PIP5K1B: variants seen among roughly 807,000 people sequenced by gnomAD.
PIP5K1B encodes phosphatidylinositol 4-phosphate 5-kinase type-1 beta.
A neutral mutation model predicts 67.0 loss-of-function variants in PIP5K1B; 42 were observed. The observed-to-expected ratio is 0.63, with a 90% CI of 0.49 to 0.81. PIP5K1B has a LOEUF of 0.81. Ranked by LOEUF, PIP5K1B falls within the 30% of genes least tolerant of loss-of-function variation. The probability of loss-of-function intolerance (pLI) is 0.00; values close to 1 mark genes in which losing one functional copy is unlikely to be tolerated. For missense variants in PIP5K1B, 459 were observed against 646.3 expected (o/e 0.71, Z 3.14); for synonymous variants, 214 against 231.4 (o/e 0.92, Z 0.68).
chr9:68,965,989 A>G (rs1249393428), intron 14 of PIP5K1B, among the ~76,000 whole-genome samples: 1 of 151,940 alleles, frequency 6.6e-6, no homozygotes, highest in Admixed American at 6.6e-5. Flanking sequence ...AAAAAAAAAA[A>G]AAAGCTATTT....
chr9:68,957,246 G>T (rs73647044), intron 14 of PIP5K1B, among the ~76,000 whole-genome samples: 9,394 of 151,238 alleles, frequency 0.062, 409 homozygotes, highest in African/African-American at 0.12. Flanking sequence ...AAAAAAAAAA[G>T]GTGGGGAGGG....
intron 4 of PIP5K1B, among the ~76,000 whole-genome samples, chr9:68,829,766 C>G (rs1010355888): frequency 6.6e-6 from 1 of 152,198 alleles, no homozygotes; most frequent in Non-Finnish European, 1.5e-5. Context: ...AATATCTACC[C>G]AAGCTGGCTT....
At chr9:68,885,259 G>T (rs1486422161) in intron 6 of PIP5K1B, among the ~76,000 whole-genome samples, 1 of 152,108 alleles carries the variant, frequency 6.6e-6, no homozygotes, top group South Asian at 2.1e-4. Context: ...TAGAAAAATC[G>T]AACTCATTGA....
chr9:68,828,898 T>C (rs1256281193), intron 4 of PIP5K1B, among the ~76,000 whole-genome samples: 2 of 151,952 alleles, frequency 1.3e-5, no homozygotes, highest in Admixed American at 1.3e-4. Flanking sequence ...GGTCAGAAGT[T>C]GGAGACCAGC....
intron 12 of PIP5K1B, among the ~76,000 whole-genome samples, chr9:68,926,185 C>T (rs940382842): frequency 6.1e-4 from 93 of 152,156 alleles, no homozygotes; most frequent in African/African-American, 2.1e-3. Flanking sequence ...GCCCCTGGTG[C>T]GTTTTGGAGG....
chr9:68,719,907 A>G (rs1392208331), intron 1 of PIP5K1B, among the ~76,000 whole-genome samples: 1 of 152,186 alleles, frequency 6.6e-6, no homozygotes, highest in Admixed American at 6.5e-5. Flanking sequence ...AGCATTTTAG[A>G]ACTGAATGCT....
intron 2 of PIP5K1B, among the ~76,000 whole-genome samples, chr9:68,794,997 C>T (rs1164740379): frequency 6.6e-6 from 1 of 152,178 alleles, no homozygotes. Context: ...AACTGCTTAT[C>T]TCTCCTGATA....
rs115244230 is a variant in PIP5K1B at position 68,718,909 on chromosome 9, A to G, written c.-243+13147A>G. ...ACTCATTGTTGGCTATTGAAAGTCC[A>G]TTGTGATTTTGGGAACCAGATAACC... On this transcript the variant is annotated intron_variant, in intron 1 of 15. Coordinates refer to ENST00000265382, the MANE Select transcript of PIP5K1B (RefSeq NM_003558.4). Among the ~76,000 whole-genome samples the G allele has an allele frequency of 7.3e-3, 1,105 of 152,146 alleles. 12 individuals are homozygous for G. The highest frequency in any genetic ancestry group is 0.026 in the African/African-American group (1,060 of 41,504).
chr9:68,747,447 G>A (rs1198466407), intron 2 of PIP5K1B, among the ~76,000 whole-genome samples: 4 of 151,810 alleles, frequency 2.6e-5, no homozygotes, highest in South Asian at 2.1e-4. Context: ...TTTTTGATGA[G>A]TATCATTATT....
rs992389268 is a variant in PIP5K1B, at chr9:68,987,297, C to T, written c.1503-3843C>T. The stretch of plus-strand genomic sequence containing the variant: ...TTAATGTTGGGGCCAGGCGTGGCGG[C>T]TTATGCCTATAATCCCAGCACTTTG... On this transcript the variant is annotated intron_variant, in intron 14 of 15. Transcript: ENST00000265382. Among the ~76,000 whole-genome samples, 34 of 152,078 alleles carry T rather than the reference C, an allele frequency of 2.2e-4. 1 individual carries two copies. The highest frequency in any genetic ancestry group is 2.1e-3 in the Admixed American group (32 of 15,268).
intron 7 of PIP5K1B, among the ~76,000 whole-genome samples, chr9:68,892,572 T>C (rs1824850742): frequency 6.6e-6 from 1 of 152,216 alleles, no homozygotes; most frequent in Non-Finnish European, 1.5e-5. Context: ...AATTAAATTC[T>C]CTATTTCAGA....
At chr9:68,910,942 T>G (rs1283247856) in intron 8 of PIP5K1B, among the ~76,000 whole-genome samples, 1 of 152,246 alleles carries the variant, frequency 6.6e-6, no homozygotes, top group Non-Finnish European at 1.5e-5. Context: ...AGACATTGGC[T>G]AGGGCCATAT....
intron 1 of PIP5K1B, among the ~76,000 whole-genome samples, chr9:68,736,430 A>C (rs982641836): frequency 6.6e-6 from 1 of 152,176 alleles, no homozygotes; most frequent in African/African-American, 2.4e-5. Context: ...TATAACATTC[A>C]GTGGCTGCAT....
At chr9:68,909,270 C>A (rs1378985541) in intron 8 of PIP5K1B, among the ~76,000 whole-genome samples, 1 of 151,566 alleles carries the variant, frequency 6.6e-6, no homozygotes. Context: ...TAACTCATGG[C>A]CAATCTAGGT....
intron 1 of PIP5K1B, among the ~76,000 whole-genome samples, chr9:68,707,173 G>C (rs1827165834): frequency 1.3e-5 from 2 of 152,180 alleles, no homozygotes; most frequent in African/African-American, 4.8e-5. Flanking sequence ...TGATGAGAAA[G>C]CTGGTGAGTT....
At chr9:68,926,416 AT>A (rs1826703795) in intron 12 of PIP5K1B, among the ~76,000 whole-genome samples, 1 of 151,974 alleles carries the variant, frequency 6.6e-6, no homozygotes, top group African/African-American at 2.4e-5. Flanking sequence ...ATCTATTGAC[AT>A]TTTCTCATTT....
chr9:68,836,559 T>C (rs1205322625), intron 4 of PIP5K1B, among the ~76,000 whole-genome samples: 7 of 152,244 alleles, frequency 4.6e-5, no homozygotes, highest in Non-Finnish European at 5.9e-5. Context: ...TGTTTATCTC[T>C]ATGCTTTTTA....
At chr9:68,849,134 T>G (rs945414989) in intron 4 of PIP5K1B, among the ~76,000 whole-genome samples, 3 of 152,172 alleles carry the variant, frequency 2.0e-5, no homozygotes, top group Non-Finnish European at 4.4e-5. Context: ...GAAGAAATAT[T>G]CAAGAAATAA....
intron 1 of PIP5K1B, among the ~76,000 whole-genome samples, chr9:68,735,110 G>T (rs920141913): frequency 6.6e-6 from 1 of 152,130 alleles, no homozygotes; most frequent in African/African-American, 2.4e-5. Context: ...TGATCTCTTG[G>T]AAGTTTTTTT....
Sources: allele counts gnomAD v4.1 joint callset (sites outside exome capture counted in the v4.1 genomes callset), GRCh38; gene constraint gnomAD v4.1.1; transcripts MANE v1.5; gene names NCBI Gene and HGNC (gene_info 2026-07-23, HGNC 2026-07-21).